OR9Q1: variants seen among roughly 807,000 people sequenced by gnomAD.
OR9Q1 encodes olfactory receptor 9Q1.
For synonymous variants in OR9Q1, 153 were observed against 148.6 expected (o/e 1.03, Z -0.22); for missense variants, 374 against 378.8 (o/e 0.99, Z 0.11).
intron 2 of OR9Q1, among the ~76,000 whole-genome samples, chr11:58,096,134 C>T (rs1354440925): frequency 2.0e-5 from 3 of 149,646 alleles, no homozygotes; most frequent in Admixed American, 1.3e-4. Context: ...TTTTCTCTCT[C>T]TCTCTCTTCC....
intron 2 of OR9Q1, among the ~76,000 whole-genome samples, chr11:58,075,938 G>A (rs972089236): frequency 2.6e-5 from 4 of 152,078 alleles, no homozygotes; most frequent in Non-Finnish European, 5.9e-5. Context: ...ATTAACTCAG[G>A]GATCAACAAT....
At chr11:58,144,232 T>C (rs141488209) in intron 2 of OR9Q1, among the ~76,000 whole-genome samples, 3,898 of 132,234 alleles carry the variant, frequency 0.029, 62 homozygotes, top group East Asian at 0.059. Flanking sequence ...CCTGTGTCCA[T>C]GTGTTCTCAT....
chr11:58,028,532 T>C (rs1260843787), intron 1 of OR9Q1, among the ~76,000 whole-genome samples: 2 of 152,184 alleles, frequency 1.3e-5, no homozygotes, highest in African/African-American at 4.8e-5. Context: ...TCAGAGAATT[T>C]GACTGTGAAA....
chr11:58,073,925 A>G (rs1044573235), intron 2 of OR9Q1, among the ~76,000 whole-genome samples: 5 of 152,118 alleles, frequency 3.3e-5, no homozygotes, highest in Non-Finnish European at 7.4e-5. Context: ...TTCCTGTGTT[A>G]GTTTGCTGAG....
chr11:58,138,354 G>A (rs1218858485), intron 2 of OR9Q1, among the ~76,000 whole-genome samples: 4 of 152,190 alleles, frequency 2.6e-5, no homozygotes, highest in Non-Finnish European at 4.4e-5. Context: ...ATTTGGAGAC[G>A]TTTATTGACT....
At chr11:58,144,194 A>C (rs1854277773) in intron 2 of OR9Q1, among the ~76,000 whole-genome samples, 4 of 107,572 alleles carry the variant, frequency 3.7e-5, no homozygotes, top group South Asian at 3.7e-4. Context: ...CCACCCCACA[A>C]CAGTCCCCGG....
intron 2 of OR9Q1, among the ~76,000 whole-genome samples, chr11:58,103,868 G>C (rs2120092242): frequency 6.6e-6 from 1 of 152,280 alleles, no homozygotes; most frequent in African/African-American, 2.4e-5. Flanking sequence ...ATCCATATTA[G>C]TAGTGTTTGT....
chr11:58,083,301 A>AT (rs1013145894), intron 2 of OR9Q1, among the ~76,000 whole-genome samples: 8 of 151,116 alleles, frequency 5.3e-5, no homozygotes, highest in Non-Finnish European at 1.2e-4. Context: ...GCCTTTGACC[A>AT]TTTTTTAATG....
intron 1 of OR9Q1, chr11:58,030,994 T>A (rs755090604): frequency 4.1e-5 from 66 of 1,614,066 alleles, no homozygotes; most frequent in Non-Finnish European, 5.5e-5. Context: ...TAACTGAATT[T>A]GTCATGATGG....
At chr11:58,100,321 A>G (rs1853771631) in intron 2 of OR9Q1, among the ~76,000 whole-genome samples, 1 of 152,172 alleles carries the variant, frequency 6.6e-6, no homozygotes, top group Non-Finnish European at 1.5e-5. Context: ...CCCTTAATTT[A>G]TTATAGATTG....
chr11:58,148,856 C>T (rs1207943889), intron 2 of OR9Q1, among the ~76,000 whole-genome samples: 2 of 152,158 alleles, frequency 1.3e-5, no homozygotes, highest in African/African-American at 4.8e-5. Context: ...TTCCCTGTAG[C>T]GGATCTGCGA....
chr11:58,129,241 G>C (rs1320938449), intron 2 of OR9Q1, among the ~76,000 whole-genome samples: 4 of 79,342 alleles, frequency 5.0e-5, no homozygotes, highest in South Asian at 3.7e-4. Context: ...CAATTCGTGT[G>C]TGTGTGTGTG....
At chr11:58,035,246 C>A (rs1051303605) in intron 1 of OR9Q1, among the ~76,000 whole-genome samples, 2 of 129,064 alleles carry the variant, frequency 1.5e-5, no homozygotes, top group South Asian at 5.5e-4. Context: ...GCCCAGTCAC[C>A]ATTTAATTAT....
chr11:58,152,650 A>C (rs1781348893), intron 2 of OR9Q1, among the ~76,000 whole-genome samples: 2 of 152,218 alleles, frequency 1.3e-5, no homozygotes, highest in African/African-American at 4.8e-5. Flanking sequence ...ATATTTTCAC[A>C]GATTTGCCTT....
At chr11:58,177,693 A>G (rs1398888908) in intron 2 of OR9Q1, among the ~76,000 whole-genome samples, 5 of 152,196 alleles carry the variant, frequency 3.3e-5, no homozygotes, top group Admixed American at 1.3e-4. Flanking sequence ...GAGTTCTTAG[A>G]CTTCGGGCAT....
chr11:58,127,010 G>A (rs528520654), intron 2 of OR9Q1, among the ~76,000 whole-genome samples: 1 of 152,300 alleles, frequency 6.6e-6, no homozygotes, highest in South Asian at 2.1e-4. Flanking sequence ...GAGTGCAATG[G>A]CATGATCTTG....
intron 2 of OR9Q1, among the ~76,000 whole-genome samples, chr11:58,088,406 C>T (rs371843287): frequency 3.9e-5 from 6 of 152,024 alleles, no homozygotes; most frequent in Admixed American, 2.0e-4. Context: ...CACTGTCTTC[C>T]ATAATAGGTG....
chr11:58,108,266 T>C (rs17459653), intron 2 of OR9Q1, among the ~76,000 whole-genome samples: 19,302 of 152,186 alleles, frequency 0.13, 1,462 homozygotes, highest in South Asian at 0.19. Flanking sequence ...AAAAAACCCT[T>C]ATTCTCCAAT....
At chr11:58,032,873 T>A (rs1198096858) in intron 1 of OR9Q1, among the ~76,000 whole-genome samples, 1 of 152,190 alleles carries the variant, frequency 6.6e-6, no homozygotes, top group East Asian at 1.9e-4. Context: ...GACAAAGGTT[T>A]AATATCCAGA....
Sources: allele counts gnomAD v4.1 joint callset (sites outside exome capture counted in the v4.1 genomes callset), GRCh38; gene constraint gnomAD v4.1.1; transcripts MANE v1.5; gene names NCBI Gene and HGNC (gene_info 2026-07-23, HGNC 2026-07-21).